The following YEATS2 variants were observed in gnomAD, a reference collection of about 807,000 sequenced individuals.
The protein encoded by YEATS2 is YEATS domain containing 2, also known as YEATS domain-containing protein 2.
In YEATS2, 77 loss-of-function variants were observed where a neutral mutation model predicts 163.2. That is an observed-to-expected ratio of 0.47 (90% CI 0.39 to 0.57). YEATS2 has a LOEUF of 0.57. Ranked by LOEUF, YEATS2 falls within the 20% of genes least tolerant of loss-of-function variation. The probability of loss-of-function intolerance (pLI) is 0.00; values close to 1 mark genes in which losing one functional copy is unlikely to be tolerated. For synonymous variants in YEATS2, 631 were observed against 645.1 expected (o/e 0.98, Z 0.33); for missense variants, 1,549 against 1,729.8 (o/e 0.90, Z 1.85).
chr3:183,795,171 CAAAAAA>C (rs11370496), intron 21 of YEATS2, among the ~76,000 whole-genome samples: 1 of 123,894 alleles, frequency 8.1e-6, no homozygotes, highest in African/African-American at 3.1e-5. Flanking sequence ...GACACTGTCT[CAAAAAA>C]AAAAAAAGAA....
intron 21 of YEATS2, among the ~76,000 whole-genome samples, chr3:183,795,448 G>A (rs1006286057): frequency 2.6e-4 from 37 of 141,800 alleles, no homozygotes; most frequent in Non-Finnish European, 3.8e-4. Context: ...GCCACCACAC[G>A]GGACTAATTT....
At chr3:183,751,818 G>A (rs940922697) in intron 9 of YEATS2, among the ~76,000 whole-genome samples, 1 of 152,130 alleles carries the variant, frequency 6.6e-6, no homozygotes, top group Non-Finnish European at 1.5e-5. Context: ...AAAATCAAGA[G>A]GTCCCAATTT....
intron 19 of YEATS2, among the ~76,000 whole-genome samples, chr3:183,784,946 A>G (rs1723916213): frequency 6.6e-6 from 1 of 151,756 alleles, no homozygotes; most frequent in Non-Finnish European, 1.5e-5. Flanking sequence ...GGTGGCGCAT[A>G]CCTGTAATCG....
chr3:183,703,791 C>T (rs144566453), intron 1 of YEATS2, among the ~76,000 whole-genome samples: 8 of 151,846 alleles, frequency 5.3e-5, no homozygotes, highest in East Asian at 1.9e-4. Flanking sequence ...AAGCTGCTGC[C>T]GTATTTAGTT....
intron 13 of YEATS2, among the ~76,000 whole-genome samples, chr3:183,759,731 G>C (rs1216665943): frequency 6.6e-6 from 1 of 152,190 alleles, no homozygotes; most frequent in East Asian, 1.9e-4. Context: ...CACTTAGCGA[G>C]CCCTCAGCTT....
In YEATS2 at chr3:183,736,738, C is replaced by G. The variant is rs753397585; in HGVS notation, c.833C>G (p.Thr278Ser). The change falls in exon 8 of 31, where the codon ACC becomes AGC. Residue 278 changes from threonine to serine, a missense_variant. Coordinates refer to ENST00000305135, the MANE Select transcript of YEATS2 (RefSeq NM_018023.5). ...CATAGAGAGCCTCCTTTTCACCTGA[C>G]CAGAAGAGGCTGGGGTGAGTTTCCC... The part of the protein sequence containing the change: ...VEVREPPFHL[T>S]RRGWGEFPVR... 9 of 1,613,650 alleles carry G rather than the reference C, an allele frequency of 5.6e-6. No individual in the cohort carries two copies. The South Asian group carries it at 9.9e-5, about 18-fold the overall frequency.
At chr3:183,784,077 T>C (rs1053103473) in intron 19 of YEATS2, among the ~76,000 whole-genome samples, 2 of 152,194 alleles carry the variant, frequency 1.3e-5, no homozygotes, top group Non-Finnish European at 2.9e-5. Flanking sequence ...AGCTAACTTT[T>C]TATTTTTCTA....
At chr3:183,786,084 C>A in intron 19 of YEATS2, 41 bp from the exon 20 acceptor site, 13 of 1,594,646 alleles carry the variant, frequency 8.2e-6, no homozygotes, top group Non-Finnish European at 1.1e-5. Context: ...TGTCTATTAT[C>A]CAAGGCAACA....
At chr3:183,728,395 A>C (rs781133835) in intron 6 of YEATS2, among the ~76,000 whole-genome samples, 1 of 152,132 alleles carries the variant, frequency 6.6e-6, no homozygotes, top group African/African-American at 2.4e-5. Flanking sequence ...GGGTCTTGCT[A>C]TGTTGCCCAG....
At chr3:183,760,558 G>A (rs978341242) in intron 13 of YEATS2, among the ~76,000 whole-genome samples, 4 of 152,098 alleles carry the variant, frequency 2.6e-5, no homozygotes, top group Admixed American at 1.3e-4. Context: ...CTGATCTCAG[G>A]TAATCTGCCC....
chr3:183,786,414 CT>C (rs35962571), intron 20 of YEATS2, 113 bp downstream of exon 20: 2,886 of 820,466 alleles, frequency 3.5e-3, no homozygotes, highest in South Asian at 4.8e-3. Flanking sequence ...TCAACTATTG[CT>C]TTTTTTTTTA....
At position 183,717,805 on chromosome 3, in the gene YEATS2, G is replaced by GATTGAAAAATA. The variant is rs1716057464; in HGVS notation, c.198+60_198+70dup. ...AAGCTATTGAAAAAAATGTATACAT[G>GATTGAAAAATA]ATTGAAAAATAATCTATTGAGATGG... On this transcript the variant is annotated intron_variant, in intron 3 of 30. Coordinates refer to ENST00000305135, the MANE Select transcript of YEATS2 (RefSeq NM_018023.5). The GATTGAAAAATA allele has an allele frequency of 1.4e-5, 15 of 1,045,626 alleles. No individual in the cohort carries two copies. The East Asian group carries it at 4.5e-4, about 32-fold the overall frequency. 64.8% of individuals were successfully genotyped at this position (1,045,626 alleles called of 1,614,324 possible). A position where few individuals can be genotyped will look rare whatever the true frequency, so the allele number is the denominator to read the frequency against.
intron 8 of YEATS2, among the ~76,000 whole-genome samples, chr3:183,747,016 G>A (rs1408880988): frequency 6.6e-6 from 1 of 151,426 alleles, no homozygotes; most frequent in Non-Finnish European, 1.5e-5. Context: ...TTACAAATAA[G>A]AACTTAACCT....
Position 183,729,233 on chromosome 3 carries a change from C to T in YEATS2, c.812+382C>T, listed in dbSNP as rs79718504. The stretch of plus-strand genomic sequence containing the variant: ...CTTGCAGTGAGCTGAGATCGCGCCA[C>T]TGCACTCCAGCCTGGGCGACAGAGC... On this transcript the variant is annotated intron_variant, in intron 7 of 30. Coordinates refer to ENST00000305135, the MANE Select transcript of YEATS2 (RefSeq NM_018023.5). 2.7e-4 allele frequency among the ~76,000 whole-genome samples: 41 copies of T among 151,188 alleles called. No homozygotes were observed. In the East Asian group the frequency reaches 7.2e-3, roughly 27 times the overall value.
At position 183,775,955 on chromosome 3, in the gene YEATS2, C is replaced by CGGAGGAGGA. The variant is rs146705467; in HGVS notation, c.2430_2438dup (p.Gly812_Gly814dup). 9.5e-6 allele frequency: 15 copies of CGGAGGAGGA among 1,581,960 alleles called. No individual in the cohort carries two copies. In the Admixed American group the frequency reaches 1.4e-4, roughly 14 times the overall value. ...CAGCTGCCAGTGGTGGGAGTGGTGC[C>CGGAGGAGGA]GGAGGAGGAGGAGGAGGAGGAGGAG... On this transcript the variant is annotated inframe_insertion, in exon 18 of 31. Coordinates refer to ENST00000305135, the MANE Select transcript of YEATS2 (RefSeq NM_018023.5).
intron 8 of YEATS2, 124 bp downstream of exon 8, chr3:183,736,953 C>A: frequency 1.4e-6 from 1 of 731,502 alleles, no homozygotes; most frequent in Non-Finnish European, 2.2e-6. Flanking sequence ...ACTTTCGACT[C>A]CCCCAAAACT....
chr3:183,810,517 T>A lies in YEATS2; in HGVS notation c.4203T>A (p.Ile1401=), dbSNP rs1178817167. The stretch of plus-strand genomic sequence containing the variant: ...CAGTGAGTAATATTCACCAGGCCAT[T>A]TGCAACATTCCTTTTCTGGACTTCC... ...EITVSNIHQA[I]CNIPFLDFLT... is the part of the protein sequence containing the mutation. Residue 1401 remains isoleucine (I), a synonymous_variant, in exon 31 of 31, where the codon ATT becomes ATA. Coordinates refer to ENST00000305135, the MANE Select transcript of YEATS2 (RefSeq NM_018023.5). 1.9e-6 allele frequency: 3 copies of A among 1,614,190 alleles called. No individual in the cohort carries two copies. Among genetic ancestry groups the A allele is most frequent in the Non-Finnish European group, 2.5e-6 (3 of 1,180,032 alleles).
intron 1 of YEATS2, among the ~76,000 whole-genome samples, chr3:183,702,772 T>A (rs1577021508): frequency 6.6e-6 from 1 of 151,610 alleles, no homozygotes; most frequent in East Asian, 1.9e-4. Context: ...AGGCGGAGGT[T>A]GCAGTGAGCC....
chr3:183,711,346 A>C (rs1168111222), intron 1 of YEATS2, among the ~76,000 whole-genome samples: 1 of 151,668 alleles, frequency 6.6e-6, no homozygotes, highest in Non-Finnish European at 1.5e-5. Context: ...GGTGGAGGGC[A>C]CCTGTAGTCC....
Sources: allele counts gnomAD v4.1 joint callset (sites outside exome capture counted in the v4.1 genomes callset), GRCh38; gene constraint gnomAD v4.1.1; transcripts MANE v1.5; gene names NCBI Gene and HGNC (gene_info 2026-07-23, HGNC 2026-07-21).